NCAM2: variants seen among roughly 807,000 people sequenced by gnomAD.
The protein encoded by NCAM2 is N-CAM-2.
NCAM2 carries 30 observed loss-of-function variants against 98.1 expected under a neutral mutation model. The ratio of observed to expected loss-of-function variants is 0.31; its 90% confidence interval spans 0.23 to 0.41. NCAM2 has a LOEUF of 0.41. Ranked by LOEUF, NCAM2 falls within the 10% of genes least tolerant of loss-of-function variation. The probability of loss-of-function intolerance (pLI) is 1.00; values close to 1 mark genes in which losing one functional copy is unlikely to be tolerated. For synonymous variants in NCAM2, 368 were observed against 342.4 expected, an observed-to-expected ratio of 1.07 and a Z score of -0.83; for missense variants, 867 against 1,005.8, an observed-to-expected ratio of 0.86 and a Z score of 1.87.
At chr21:21,309,074 T>G (rs2073965838) in intron 5 of NCAM2, among the ~76,000 whole-genome samples, 1 of 152,156 alleles carries the variant, frequency 6.6e-6, no homozygotes, top group South Asian at 2.1e-4. Context: ...TGATCAGTCT[T>G]TCATCTAGAT....
intron 16 of NCAM2, among the ~76,000 whole-genome samples, chr21:21,511,053 A>G (rs1035343024): frequency 1.3e-5 from 2 of 152,134 alleles, no homozygotes; most frequent in East Asian, 3.9e-4. Context: ...TACAATATGT[A>G]ATAATCAAAT....
At chr21:21,059,266 T>C (rs1440008797) in intron 1 of NCAM2, among the ~76,000 whole-genome samples, 3 of 152,074 alleles carry the variant, frequency 2.0e-5, no homozygotes, top group African/African-American at 7.2e-5. Flanking sequence ...TGCAATGTCA[T>C]TTGATCCAGA....
intron 9 of NCAM2, among the ~76,000 whole-genome samples, chr21:21,400,441 G>C (rs1437138629): frequency 6.6e-6 from 1 of 151,910 alleles, no homozygotes; most frequent in South Asian, 2.1e-4. Flanking sequence ...GGTCTATATA[G>C]TAATGCACAA....
intron 11 of NCAM2, among the ~76,000 whole-genome samples, chr21:21,423,029 T>C (rs2077142833): frequency 6.6e-6 from 1 of 152,316 alleles, no homozygotes; most frequent in Non-Finnish European, 1.5e-5. Context: ...AATATTATTA[T>C]CAAGTAATTT....
intron 1 of NCAM2, among the ~76,000 whole-genome samples, chr21:21,072,308 A>G (rs1025139530): frequency 2.6e-5 from 4 of 152,142 alleles, no homozygotes; most frequent in Admixed American, 2.0e-4. Flanking sequence ...TTTCTCAGTA[A>G]TATATTGTAA....
At chr21:21,015,452 G>A (rs2064288280) in intron 1 of NCAM2, among the ~76,000 whole-genome samples, 1 of 152,126 alleles carries the variant, frequency 6.6e-6, no homozygotes, top group African/African-American at 2.4e-5. Flanking sequence ...AAAGGATTAG[G>A]ACCCACTGAA....
chr21:21,521,904 C>A (rs549891969), intron 16 of NCAM2, among the ~76,000 whole-genome samples: 2 of 151,556 alleles, frequency 1.3e-5, no homozygotes, highest in East Asian at 3.9e-4. Flanking sequence ...AGGCACCATA[C>A]CATAGATCCA....
At chr21:21,360,289 T>A (rs1489885934) in intron 8 of NCAM2, among the ~76,000 whole-genome samples, 1 of 151,976 alleles carries the variant, frequency 6.6e-6, no homozygotes, top group Non-Finnish European at 1.5e-5. Context: ...CATATTCATT[T>A]ATAAGATCAA....
chr21:21,166,272 A>G (rs1238099167), intron 1 of NCAM2, among the ~76,000 whole-genome samples: 1 of 152,164 alleles, frequency 6.6e-6, no homozygotes, highest in Non-Finnish European at 1.5e-5. Flanking sequence ...CAGTGGCGCC[A>G]TCTCAGCTCA....
intron 1 of NCAM2, among the ~76,000 whole-genome samples, chr21:21,254,814 A>C (rs1028164878): frequency 6.6e-6 from 1 of 152,108 alleles, no homozygotes; most frequent in Non-Finnish European, 1.5e-5. Context: ...ATTTGTGGCA[A>C]GGTTGTTTAT....
chr21:21,303,117 G>A (rs2073774071), intron 5 of NCAM2, among the ~76,000 whole-genome samples: 1 of 151,922 alleles, frequency 6.6e-6, no homozygotes, highest in South Asian at 2.1e-4. Context: ...GGGAGAAAGG[G>A]AGGCGTGGGC....
chr21:21,396,129 A>T (rs1486595272), intron 9 of NCAM2, among the ~76,000 whole-genome samples: 1 of 151,758 alleles, frequency 6.6e-6, no homozygotes, highest in Non-Finnish European at 1.5e-5. Context: ...AAGGACTAAT[A>T]TCAAGAATCT....
In NCAM2 at chr21:21,340,835, CAA is replaced by C. The variant is rs560725493; in HGVS notation, c.1044+2303_1044+2304del. On this transcript the variant is annotated intron_variant, in intron 8 of 17. Transcript: ENST00000400546. Reference sequence around the variant, plus strand: ...TGCCTCAGCATGATAAAATTGAGTTCAAAGAGTCCAAATAACATTACCAGTGT... The same window carrying C: ...TGCCTCAGCATGATAAAATTGAGTTCAGAGTCCAAATAACATTACCAGTGT... Among the ~76,000 whole-genome samples the C allele has an allele frequency of 1.2e-3, 184 of 151,922 alleles. 2 individuals carry two copies. Among genetic ancestry groups the C allele is most frequent in the Non-Finnish European group, 3.8e-4 (26 of 67,862 alleles).
At chr21:21,500,629 T>C (rs1410544560) in intron 15 of NCAM2, among the ~76,000 whole-genome samples, 1 of 152,080 alleles carries the variant, frequency 6.6e-6, no homozygotes, top group Non-Finnish European at 1.5e-5. Flanking sequence ...TTTGGAATAA[T>C]TTTTTTCTTA....
chr21:21,467,692 T>TA (rs976838390), intron 13 of NCAM2, among the ~76,000 whole-genome samples: 4 of 150,628 alleles, frequency 2.7e-5, no homozygotes, highest in East Asian at 2.0e-4. Flanking sequence ...CAAAAAACAA[T>TA]AAAAAAAGAA....
chr21:21,364,992 T>C (rs1467693890), intron 8 of NCAM2, among the ~76,000 whole-genome samples: 2 of 152,252 alleles, frequency 1.3e-5, no homozygotes, highest in East Asian at 3.9e-4. Flanking sequence ...AGCTCCATTA[T>C]TGCTCAAGCC....
chr21:21,389,763 T>C (rs1294586548), intron 9 of NCAM2, among the ~76,000 whole-genome samples: 1 of 152,234 alleles, frequency 6.6e-6, no homozygotes, highest in Non-Finnish European at 1.5e-5. Context: ...TTCTCTTTTA[T>C]GGCTGAATAA....
Position 21,417,770 on chromosome 21 carries a change from T to C in NCAM2, c.1384-703T>C, listed in dbSNP as rs143382616. Among the ~76,000 whole-genome samples, 621 of 152,066 alleles carry C rather than the reference T, an allele frequency of 4.1e-3. 2 individuals are homozygous for C. Among genetic ancestry groups the C allele is most frequent in the African/African-American group, 0.014 (570 of 41,508 alleles). ...TTCTACCTAGAGTGAAAAAGAATGG[T>C]AGGAATTGAACAGAAATGGAAGCAA... On this transcript the variant is annotated intron_variant, in intron 10 of 17. Transcript: ENST00000400546.
At chr21:21,148,550 CAA>C (rs1049500546) in intron 1 of NCAM2, among the ~76,000 whole-genome samples, 4 of 152,070 alleles carry the variant, frequency 2.6e-5, no homozygotes, top group African/African-American at 9.7e-5. Context: ...TGTTCAACAC[CAA>C]AAACCTTAAG....
Sources: gnomAD v4.1 joint callset for allele counts (sites outside exome capture counted in the v4.1 genomes callset) on GRCh38, gnomAD v4.1.1 for gene constraint, MANE v1.5 for transcripts, NCBI Gene and HGNC (gene_info 2026-07-23, HGNC 2026-07-21) for gene names.